COLEC12: variants seen among roughly 807,000 people sequenced by gnomAD.
COLEC12 encodes collectin subfamily member 12.
A neutral mutation model predicts 71.1 loss-of-function variants in COLEC12; 33 were observed. That is an observed-to-expected ratio of 0.46 (90% CI 0.35 to 0.62). The LOEUF (loss-of-function observed/expected upper bound fraction) is 0.62. Among genes scored for constraint, COLEC12 ranks in the 20% least tolerant of loss-of-function variants. The pLI, the probability that COLEC12 is intolerant of heterozygous loss-of-function variation, is 0.00. For synonymous variants in COLEC12, 350 were observed against 353.0 expected (o/e 0.99, Z 0.10); for missense variants, 765 against 916.1 (o/e 0.84, Z 2.13).
chr18:458,859 A>T (rs1916922520), intron 2 of COLEC12, among the ~76,000 whole-genome samples: 1 of 152,238 alleles, frequency 6.6e-6, no homozygotes, highest in Admixed American at 6.5e-5. Flanking sequence ...TTTTTGAGAC[A>T]GGGTCTTGCT....
intron 2 of COLEC12, among the ~76,000 whole-genome samples, chr18:369,425 A>ATTTTTT (rs1914949339): frequency 1.9e-5 from 2 of 106,742 alleles, no homozygotes; most frequent in African/African-American, 3.5e-5. Context: ...TTTTATTTTT[A>ATTTTTT]TTTTTATTTT....
chr18:435,682 C>G (rs1916390214), intron 2 of COLEC12, among the ~76,000 whole-genome samples: 1 of 152,092 alleles, frequency 6.6e-6, no homozygotes, highest in Non-Finnish European at 1.5e-5. Flanking sequence ...CAGAGGTGGA[C>G]AAAGCATTCA....
chr18:356,804 C>G (rs1023276394), intron 3 of COLEC12, among the ~76,000 whole-genome samples: 1 of 152,100 alleles, frequency 6.6e-6, no homozygotes, highest in Non-Finnish European at 1.5e-5. Context: ...AAAATCCTGC[C>G]CTTACCCTAA....
intron 2 of COLEC12, among the ~76,000 whole-genome samples, chr18:382,685 T>G (rs1915259036): frequency 6.6e-6 from 1 of 152,234 alleles, no homozygotes; most frequent in African/African-American, 2.4e-5. Context: ...TTGTATAGAT[T>G]AAATGAAATT....
intron 2 of COLEC12, among the ~76,000 whole-genome samples, chr18:456,406 T>A (rs750969857): frequency 2.6e-5 from 4 of 152,148 alleles, no homozygotes; most frequent in Admixed American, 1.3e-4. Context: ...CTTGTACTCA[T>A]AAACCAGGCC....
intron 1 of COLEC12, among the ~76,000 whole-genome samples, chr18:491,515 CA>C (rs1040618072): frequency 4.6e-5 from 7 of 152,236 alleles, no homozygotes; most frequent in African/African-American, 1.7e-4. Context: ...ACATCCAACA[CA>C]TACCATCTGC....
At chr18:405,312 T>C (rs1915763750) in intron 2 of COLEC12, among the ~76,000 whole-genome samples, 1 of 152,202 alleles carries the variant, frequency 6.6e-6, no homozygotes, top group Non-Finnish European at 1.5e-5. Flanking sequence ...CAGAAGCATG[T>C]GATCTTTGTT....
At chr18:460,847 C>T (rs1336347965) in intron 2 of COLEC12, among the ~76,000 whole-genome samples, 6 of 152,184 alleles carry the variant, frequency 3.9e-5, no homozygotes, top group African/African-American at 1.2e-4. Context: ...CAGGCCAGCC[C>T]TTATTAGGTG....
At chr18:470,965 A>T (rs936414812) in intron 2 of COLEC12, among the ~76,000 whole-genome samples, 3 of 144,204 alleles carry the variant, frequency 2.1e-5, no homozygotes, top group African/African-American at 7.8e-5. Context: ...ATTACAGGGC[A>T]TCTTCAGGCC....
intron 2 of COLEC12, among the ~76,000 whole-genome samples, chr18:363,573 T>C (rs1914793752): frequency 6.6e-6 from 1 of 152,196 alleles, no homozygotes. Context: ...TAGATTCCCA[T>C]AAACCCATAA....
chr18:482,366 A>T (rs957663581), intron 1 of COLEC12, among the ~76,000 whole-genome samples: 1 of 151,896 alleles, frequency 6.6e-6, no homozygotes, highest in Non-Finnish European at 1.5e-5. Context: ...CACCCACCTC[A>T]GCCTCCCAAA....
intron 5 of COLEC12, among the ~76,000 whole-genome samples, chr18:340,074 C>CAAAAAA (rs60991743): frequency 8.5e-4 from 80 of 94,206 alleles, no homozygotes; most frequent in South Asian, 3.7e-3. Flanking sequence ...TGCCTGAAAG[C>CAAAAAA]AAAAAAAAAA....
intron 1 of COLEC12, among the ~76,000 whole-genome samples, chr18:498,517 G>A (rs1917757411): frequency 1.3e-5 from 2 of 151,802 alleles, no homozygotes; most frequent in Non-Finnish European, 2.9e-5. Flanking sequence ...CTGCCACCAC[G>A]CCCAGCTAAT....
At chr18:387,039 T>C (rs1915360159) in intron 2 of COLEC12, among the ~76,000 whole-genome samples, 1 of 152,146 alleles carries the variant, frequency 6.6e-6, no homozygotes, top group African/African-American at 2.4e-5. Flanking sequence ...CTAAGACTGT[T>C]GTCTATGCTT....
chr18:432,940 C>T (rs2846645), intron 2 of COLEC12, among the ~76,000 whole-genome samples: 137,731 of 152,200 alleles, frequency 0.9, 62,802 homozygotes, highest in East Asian at 1. Flanking sequence ...ACATGTGTCA[C>T]TGAGGAAGTT....
intron 2 of COLEC12, among the ~76,000 whole-genome samples, chr18:456,800 T>G (rs1360840200): frequency 4.6e-5 from 7 of 152,160 alleles, no homozygotes; most frequent in African/African-American, 1.7e-4. Context: ...CTGGAGAGAT[T>G]GTTCACGAGG....
At chr18:332,621 G>A (rs1005268801) in intron 7 of COLEC12, among the ~76,000 whole-genome samples, 9 of 152,034 alleles carry the variant, frequency 5.9e-5, no homozygotes, top group African/African-American at 1.2e-4. Context: ...AGCCTTCTTC[G>A]CTCTTCCTGA....
intron 6 of COLEC12, chr18:333,587 G>C (rs1914034373): frequency 6.5e-6 from 1 of 153,836 alleles, no homozygotes; most frequent in Non-Finnish European, 1.4e-5. Flanking sequence ...ATAGCGGTTG[G>C]GTCAAAGGAG....
intron 2 of COLEC12, among the ~76,000 whole-genome samples, chr18:448,899 T>C (rs1916704625): frequency 6.6e-6 from 1 of 152,190 alleles, no homozygotes; most frequent in Admixed American, 6.5e-5. Flanking sequence ...AAAAAGTTAC[T>C]TCAGTTGAAG....
Sources: gnomAD v4.1 joint callset for allele counts (sites outside exome capture counted in the v4.1 genomes callset) on GRCh38, gnomAD v4.1.1 for gene constraint, MANE v1.5 for transcripts, NCBI Gene and HGNC (gene_info 2026-07-23, HGNC 2026-07-21) for gene names.